The following MYO3B variants were observed in gnomAD, a reference collection of about 807,000 sequenced individuals.
MYO3B encodes myosin IIIB.
MYO3B carries 156 observed loss-of-function variants against 174.6 expected under a neutral mutation model. The observed-to-expected ratio is 0.89, with a 90% CI of 0.78 to 1.02. The LOEUF (loss-of-function observed/expected upper bound fraction) is 1.02, where lower values mean the gene tolerates loss of function less well. Among genes scored for constraint, MYO3B ranks in the 50% least tolerant of loss-of-function variants. MYO3B has a pLI of 0.00. For synonymous variants in MYO3B, 563 were observed against 569.1 expected (o/e 0.99, Z 0.15); for missense variants, 1,632 against 1,639.4 (o/e 1.00, Z 0.08).
At chr2:170,511,100 C>T (rs1687952537) in intron 28 of MYO3B, among the ~76,000 whole-genome samples, 1 of 150,356 alleles carries the variant, frequency 6.7e-6, no homozygotes, top group Non-Finnish European at 1.5e-5. Flanking sequence ...CACTCTGTCG[C>T]CTAGGCTGGA....
At chr2:170,205,272 T>C (rs1433773416) in intron 3 of MYO3B, among the ~76,000 whole-genome samples, 1 of 152,168 alleles carries the variant, frequency 6.6e-6, no homozygotes, top group African/African-American at 2.4e-5. Flanking sequence ...CTATATAAAA[T>C]ATTGCTGAAG....
intron 23 of MYO3B, among the ~76,000 whole-genome samples, chr2:170,461,199 G>C (rs1280233998): frequency 6.6e-6 from 1 of 152,186 alleles, no homozygotes; most frequent in Non-Finnish European, 1.5e-5. Context: ...CTGAGGCCGG[G>C]TGAGGTGACT....
chr2:170,454,405 G>A (rs951703140), intron 23 of MYO3B, among the ~76,000 whole-genome samples: 1 of 152,152 alleles, frequency 6.6e-6, no homozygotes, highest in African/African-American at 2.4e-5. Context: ...CCTGCAATAC[G>A]GCTCCAGTTA....
chr2:170,489,725 T>G (rs1194852596), intron 25 of MYO3B, among the ~76,000 whole-genome samples: 4 of 151,268 alleles, frequency 2.6e-5, no homozygotes, highest in Non-Finnish European at 4.4e-5. Context: ...CTCAGTACAG[T>G]CTAGAGACAG....
intron 25 of MYO3B, among the ~76,000 whole-genome samples, chr2:170,491,859 GC>G (rs1403361764): frequency 6.6e-6 from 1 of 152,138 alleles, no homozygotes; most frequent in Non-Finnish European, 1.5e-5. Flanking sequence ...TTCAAGACCA[GC>G]CTGGTCAATG....
intron 6 of MYO3B, among the ~76,000 whole-genome samples, chr2:170,220,110 T>A (rs2092878008): frequency 6.7e-6 from 1 of 148,908 alleles, no homozygotes; most frequent in African/African-American, 2.5e-5. Context: ...TACAAAAAAT[T>A]AGCTGGGCAT....
chr2:170,431,692 A>G (rs1043932709), intron 22 of MYO3B, among the ~76,000 whole-genome samples: 2 of 152,272 alleles, frequency 1.3e-5, no homozygotes, highest in Non-Finnish European at 2.9e-5. Flanking sequence ...TGAATTTGCC[A>G]CATGCAAGAT....
chr2:170,487,919 C>A lies in MYO3B; in HGVS notation c.3015-10673C>A, dbSNP rs115960187. Among the ~76,000 whole-genome samples, 282 of 152,296 alleles carry A rather than the reference C, an allele frequency of 1.9e-3. 2 individuals carry two copies. Among genetic ancestry groups the A allele is most frequent in the African/African-American group, 6.4e-3 (264 of 41,552 alleles). On this transcript the variant is annotated intron_variant, in intron 25 of 34. Coordinates refer to ENST00000408978, the MANE Select transcript of MYO3B (RefSeq NM_138995.5). ...ATGGTGATTCTTCTTTCTCCTCTCC[C>A]TTCCATGAGTAAGAGTAACCAAGGG...
At chr2:170,523,096 C>T (rs907268737) in intron 30 of MYO3B, among the ~76,000 whole-genome samples, 4 of 152,224 alleles carry the variant, frequency 2.6e-5, no homozygotes, top group African/African-American at 9.6e-5. Flanking sequence ...TTCAATCTCT[C>T]TGGTGCTCTT....
At chr2:170,431,584 A>C (rs1477029195) in intron 22 of MYO3B, among the ~76,000 whole-genome samples, 1 of 152,254 alleles carries the variant, frequency 6.6e-6, no homozygotes, top group East Asian at 1.9e-4. Context: ...TTAAGCAAAT[A>C]GTGTAAAGGT....
chr2:170,626,505 A>C (rs979529057), intron 32 of MYO3B, among the ~76,000 whole-genome samples: 2 of 152,218 alleles, frequency 1.3e-5, no homozygotes, highest in Admixed American at 1.3e-4. Context: ...CTTTTCATCC[A>C]ATTTGCCAGT....
rs144882441 is a variant in MYO3B at position 170,442,888 on chromosome 2, A to T, written c.2651-1079A>T. ...CGGTGTATATGTGCCACATTTTCTT[A>T]ATCCAGTCTTTCATTGATGGATGTT... On this transcript the variant is annotated intron_variant, in intron 22 of 34. Transcript: ENST00000408978. Among the ~76,000 whole-genome samples the T allele has an allele frequency of 4.3e-3, 650 of 152,218 alleles. 4 individuals are homozygous for T. The highest frequency in any genetic ancestry group is 0.015 in the African/African-American group (635 of 41,530).
chr2:170,386,984 C>T, intron 13 of MYO3B, 122 bp from the exon 14 acceptor site: 1 of 843,738 alleles, frequency 1.2e-6, no homozygotes, highest in Non-Finnish European at 1.9e-6. Context: ...TGCTAACGTC[C>T]CCCAAATGGG....
chr2:170,550,077 A>G (rs1690782479), intron 32 of MYO3B, among the ~76,000 whole-genome samples: 1 of 152,064 alleles, frequency 6.6e-6, no homozygotes, highest in African/African-American at 2.4e-5. Context: ...CACACACAAG[A>G]CTGTATTCAT....
chr2:170,217,820 C>A (rs186510142), intron 6 of MYO3B, among the ~76,000 whole-genome samples: 3 of 152,266 alleles, frequency 2.0e-5, no homozygotes, highest in Non-Finnish European at 4.4e-5. Flanking sequence ...TTTTTTGTTA[C>A]CAGATACATA....
intron 3 of MYO3B, among the ~76,000 whole-genome samples, chr2:170,203,619 T>C (rs964028551): frequency 3.3e-5 from 5 of 152,148 alleles, no homozygotes; most frequent in African/African-American, 1.2e-4. Flanking sequence ...TAGACCTGAA[T>C]ATCACTGGAA....
Position 170,371,690 on chromosome 2 carries a change from G to GAA in MYO3B, c.971+2325_971+2326dup, listed in dbSNP as rs35716471. 7.6e-3 allele frequency among the ~76,000 whole-genome samples: 1,085 copies of GAA among 142,510 alleles called. 7 individuals are homozygous for GAA. Among genetic ancestry groups the GAA allele is most frequent in the African/African-American group, 0.024 (960 of 39,468 alleles). The allele number at this position is 142,510 out of a possible 152,430, so 93.5% of individuals were successfully genotyped here. The stretch of plus-strand genomic sequence containing the variant: ...AGCTGTGGTTTTTCAAGTTAAAGCA[G>GAA]AAAAAAAAAAAAACAGAAAAATTGA... On this transcript the variant is annotated intron_variant, in intron 9 of 34. Transcript: ENST00000408978.
At chr2:170,236,607 G>A (rs536921934) in intron 7 of MYO3B, among the ~76,000 whole-genome samples, 6 of 152,200 alleles carry the variant, frequency 3.9e-5, no homozygotes, top group East Asian at 3.9e-4. Flanking sequence ...CTTAATTTCC[G>A]TCTCAGTGGA....
intron 16 of MYO3B, among the ~76,000 whole-genome samples, chr2:170,393,145 G>A (rs562845301): frequency 3.3e-5 from 5 of 150,564 alleles, no homozygotes; most frequent in South Asian, 4.2e-4. Context: ...GTGCAGTGGC[G>A]GGATCTCAGC....
Sources: gnomAD v4.1 joint callset for allele counts (sites outside exome capture counted in the v4.1 genomes callset) on GRCh38, gnomAD v4.1.1 for gene constraint, MANE v1.5 for transcripts, NCBI Gene and HGNC (gene_info 2026-07-23, HGNC 2026-07-21) for gene names.